Variants in PTPRJ observed in about 807,000 individuals in gnomAD.
The protein encoded by PTPRJ is protein tyrosine phosphatase receptor type J.
A neutral mutation model predicts 141.3 loss-of-function variants in PTPRJ; 129 were observed. The observed-to-expected ratio is 0.91, with a 90% CI of 0.79 to 1.06. PTPRJ has a LOEUF of 1.06. Among genes scored for constraint, PTPRJ ranks in the 50% least tolerant of loss-of-function variants. PTPRJ has a pLI of 0.00. For synonymous variants in PTPRJ, 610 were observed against 640.5 expected, an observed-to-expected ratio of 0.95 and a Z score of 0.72; for missense variants, 1,601 against 1,679.7, an observed-to-expected ratio of 0.95 and a Z score of 0.82.
intron 6 of PTPRJ, 47 bp from the exon 7 acceptor site, chr11:48,127,729 CCTCT>C: frequency 6.3e-7 from 1 of 1,587,312 alleles, no homozygotes; most frequent in Non-Finnish European, 8.6e-7. Flanking sequence ...CCTCTCCCTC[CCTCT>C]GCCTTGGCCG....
intron 1 of PTPRJ, among the ~76,000 whole-genome samples, chr11:47,984,791 G>A (rs1192437970): frequency 4.6e-5 from 7 of 151,060 alleles, no homozygotes; most frequent in South Asian, 2.1e-4. Context: ...ACTCCTGACC[G>A]TAGGTGATCT....
intron 1 of PTPRJ, among the ~76,000 whole-genome samples, chr11:48,039,485 G>A (rs948551993): frequency 6.6e-6 from 1 of 151,992 alleles, no homozygotes; most frequent in Non-Finnish European, 1.5e-5. Context: ...GTGTGTGTGT[G>A]TGTGTGTGTG....
chr11:48,145,558 GT>G (rs574426609), intron 14 of PTPRJ, among the ~76,000 whole-genome samples: 17,272 of 117,058 alleles, frequency 0.15, 1,033 homozygotes, highest in African/African-American at 0.19. Flanking sequence ...TTTATTTTAT[GT>G]TTTTTTTTTT....
intron 1 of PTPRJ, among the ~76,000 whole-genome samples, chr11:48,054,452 T>C (rs1180137815): frequency 1.3e-5 from 2 of 152,242 alleles, no homozygotes; most frequent in Non-Finnish European, 2.9e-5. Flanking sequence ...GCTCCTCTTA[T>C]GTGCCAAGTA....
intron 3 of PTPRJ, among the ~76,000 whole-genome samples, chr11:48,119,492 G>A (rs902723193): frequency 1.8e-4 from 27 of 152,270 alleles, no homozygotes; most frequent in Non-Finnish European, 3.2e-4. Context: ...TCTGCCTCCT[G>A]GGTTCAAGTG....
intron 24 of PTPRJ, among the ~76,000 whole-genome samples, chr11:48,165,612 C>T (rs1029450458): frequency 2.6e-5 from 4 of 152,114 alleles, no homozygotes; most frequent in Non-Finnish European, 4.4e-5. Context: ...GTTCTAGATG[C>T]CTGGGTACAT....
chr11:48,117,505 C>T (rs1316779219), intron 3 of PTPRJ, among the ~76,000 whole-genome samples: 1 of 136,492 alleles, frequency 7.3e-6, no homozygotes, highest in African/African-American at 2.9e-5. Context: ...CGCACCACTG[C>T]ACTCCAGCCT....
At chr11:48,103,651 C>T (rs962352663) in intron 1 of PTPRJ, among the ~76,000 whole-genome samples, 4 of 152,212 alleles carry the variant, frequency 2.6e-5, no homozygotes, top group Non-Finnish European at 4.4e-5. Context: ...TGCTTTTATC[C>T]AGGTGTATAC....
chr11:48,033,895 G>A lies in PTPRJ; in HGVS notation c.96+52887G>A, dbSNP rs1228052. 4.5e-3 allele frequency among the ~76,000 whole-genome samples: 685 copies of A among 152,346 alleles called. 10 individuals are homozygous for A. Among genetic ancestry groups the A allele is most frequent in the African/African-American group, 0.016 (666 of 41,582 alleles). Reference sequence around the variant, plus strand: ...ATTGGATTGGATTAGCAGATACAGAGCGTTTGACCTATAGTAACCAGCTGA... The same window carrying A: ...ATTGGATTGGATTAGCAGATACAGAACGTTTGACCTATAGTAACCAGCTGA... On this transcript the variant is annotated intron_variant, in intron 1 of 24. Coordinates refer to ENST00000418331, the MANE Select transcript of PTPRJ (RefSeq NM_002843.4).
chr11:48,072,009 G>A (rs529583585), intron 1 of PTPRJ, among the ~76,000 whole-genome samples: 5 of 150,510 alleles, frequency 3.3e-5, no homozygotes, highest in South Asian at 2.1e-4. Flanking sequence ...GGGTTCAAGC[G>A]GTTCTTCTGC....
chr11:48,112,471 C>G (rs536905304), intron 2 of PTPRJ, among the ~76,000 whole-genome samples: 1 of 152,280 alleles, frequency 6.6e-6, no homozygotes, highest in East Asian at 1.9e-4. Flanking sequence ...GAGCTCTTGG[C>G]CATAGGAGCT....
At chr11:48,099,640 A>G (rs146129611) in intron 1 of PTPRJ, among the ~76,000 whole-genome samples, 1 of 152,224 alleles carries the variant, frequency 6.6e-6, no homozygotes, top group Non-Finnish European at 1.5e-5. Flanking sequence ...GTGATCTCCT[A>G]TCTGATGCTC....
chr11:48,020,578 A>G (rs1021752609), intron 1 of PTPRJ, among the ~76,000 whole-genome samples: 1 of 152,196 alleles, frequency 6.6e-6, no homozygotes, highest in African/African-American at 2.4e-5. Flanking sequence ...GTCCGGGGGC[A>G]GAGTGAAGGC....
intron 1 of PTPRJ, among the ~76,000 whole-genome samples, chr11:48,039,347 AAAC>A (rs1243975492): frequency 6.6e-6 from 1 of 151,902 alleles, no homozygotes; most frequent in African/African-American, 2.4e-5. Flanking sequence ...TAAAAAAAAA[AAAC>A]AACAAACTGC....
intron 20 of PTPRJ, 33 bp downstream of exon 20, chr11:48,155,907 T>A: frequency 1.3e-6 from 2 of 1,587,200 alleles, no homozygotes. Flanking sequence ...AGCACTGGAC[T>A]GTTTCGATGA....
At chr11:48,045,668 T>C (rs566972304) in intron 1 of PTPRJ, among the ~76,000 whole-genome samples, 1 of 152,274 alleles carries the variant, frequency 6.6e-6, no homozygotes, top group East Asian at 1.9e-4. Flanking sequence ...TGGTGCAGTA[T>C]TCGAGTAGAG....
intron 21 of PTPRJ, among the ~76,000 whole-genome samples, chr11:48,159,343 G>C (rs1329717036): frequency 6.6e-6 from 1 of 152,146 alleles, no homozygotes; most frequent in Non-Finnish European, 1.5e-5. Flanking sequence ...TTGGGAAAAA[G>C]TCCTCATTTC....
chr11:48,048,529 C>T (rs1192437305), intron 1 of PTPRJ, among the ~76,000 whole-genome samples: 2 of 152,326 alleles, frequency 1.3e-5, no homozygotes, highest in African/African-American at 4.8e-5. Flanking sequence ...CGCAGTGGCT[C>T]CGGCCTGTAA....
chr11:48,134,992 A>T (rs1161730868), intron 8 of PTPRJ, among the ~76,000 whole-genome samples: 2 of 152,166 alleles, frequency 1.3e-5, no homozygotes, highest in Non-Finnish European at 2.9e-5. Context: ...TGAGTGACTG[A>T]TTTAAAAAAC....
Sources: gnomAD v4.1 joint callset for allele counts (sites outside exome capture counted in the v4.1 genomes callset) on GRCh38, gnomAD v4.1.1 for gene constraint, MANE v1.5 for transcripts, NCBI Gene and HGNC (gene_info 2026-07-23, HGNC 2026-07-21) for gene names.